ARHGEF3: variants seen among roughly 807,000 people sequenced by gnomAD.
ARHGEF3 encodes 59.8 kDA protein.
Under a neutral mutation model 63.2 loss-of-function variants are expected in ARHGEF3, and 28 were observed. The ratio of observed to expected loss-of-function variants is 0.44; its 90% CI spans 0.33 to 0.61. The LOEUF is 0.61. ARHGEF3 is among the 20% of genes least tolerant of loss of function. The pLI is 0.03. For missense variants in ARHGEF3, 533 were observed against 659.3 expected, an observed-to-expected ratio of 0.81 and a Z score of 2.10; for synonymous variants, 266 against 254.2, an observed-to-expected ratio of 1.05 and a Z score of -0.44.
intron 1 of ARHGEF3, chr3:57,076,609 T>A (rs753665927): frequency 6.6e-6 from 1 of 152,330 alleles, no homozygotes; most frequent in East Asian, 1.9e-4. Flanking sequence ...AAGCTTAGGT[T>A]AAACAGTAAC....
intron 2 of ARHGEF3, among the ~76,000 whole-genome samples, chr3:56,963,564 T>C (rs1473507766): frequency 6.6e-6 from 1 of 152,254 alleles, no homozygotes; most frequent in East Asian, 1.9e-4. Context: ...GTATATGTTT[T>C]AAATATTTTA....
chr3:56,989,198 C>G (rs1426076518), intron 2 of ARHGEF3, among the ~76,000 whole-genome samples: 3 of 152,176 alleles, frequency 2.0e-5, no homozygotes, highest in African/African-American at 7.2e-5. Flanking sequence ...TTTTTAAAAT[C>G]TGAACTGAAA....
chr3:56,860,933 AAAG>A (rs1175934494), intron 4 of ARHGEF3, among the ~76,000 whole-genome samples: 1 of 152,200 alleles, frequency 6.6e-6, no homozygotes, highest in East Asian at 1.9e-4. Flanking sequence ...ACTAAAGAAC[AAAG>A]AAGATCTGCC....
chr3:56,904,084 C>T (rs2041609456), intron 3 of ARHGEF3, among the ~76,000 whole-genome samples: 3 of 152,056 alleles, frequency 2.0e-5, no homozygotes, highest in African/African-American at 7.2e-5. Context: ...GGCCTGGGTG[C>T]AGTGTTGCAA....
intron 2 of ARHGEF3, among the ~76,000 whole-genome samples, chr3:57,032,291 A>G (rs1703765258): frequency 1.3e-5 from 2 of 152,244 alleles, no homozygotes; most frequent in Admixed American, 6.5e-5. Flanking sequence ...GCCCCTGTTC[A>G]TATGCTGGAC....
chr3:56,830,993 G>A (rs2038913453), intron 4 of ARHGEF3, among the ~76,000 whole-genome samples: 1 of 152,114 alleles, frequency 6.6e-6, no homozygotes, highest in African/African-American at 2.4e-5. Context: ...TGTGTCCTTG[G>A]TTGATTTGCT....
At chr3:56,947,962 G>T (rs1699602843) in intron 3 of ARHGEF3, among the ~76,000 whole-genome samples, 1 of 152,144 alleles carries the variant, frequency 6.6e-6, no homozygotes, top group South Asian at 2.1e-4. Flanking sequence ...CTAGAACTCA[G>T]GATTCAGAAA....
intron 1 of ARHGEF3, among the ~76,000 whole-genome samples, chr3:57,066,612 C>T (rs1469780765): frequency 1.3e-5 from 2 of 152,196 alleles, no homozygotes; most frequent in Admixed American, 1.3e-4. Context: ...ATTTTACCCA[C>T]TGTGATGATT....
chr3:56,856,083 G>A (rs2039869865), intron 4 of ARHGEF3, among the ~76,000 whole-genome samples: 1 of 152,178 alleles, frequency 6.6e-6, no homozygotes, highest in South Asian at 2.1e-4. Flanking sequence ...GAAGATGTGG[G>A]GCCAGGGGCC....
chr3:57,027,948 T>A (rs192430569), intron 2 of ARHGEF3, among the ~76,000 whole-genome samples: 5 of 152,222 alleles, frequency 3.3e-5, no homozygotes, highest in Admixed American at 3.3e-4. Flanking sequence ...TTTTCCCTCA[T>A]CATCACTGGC....
rs1312846305 is a variant in ARHGEF3, at chr3:56,755,068, C to T, written c.288G>A (p.Thr96=). The change falls in exon 3 of 10, where the codon ACG becomes ACA. Residue 96 remains threonine, a synonymous_variant. Coordinates refer to ENST00000296315, the MANE Select transcript of ARHGEF3 (RefSeq NM_019555.3). The part of the protein sequence containing the change: ...PWSRNAAPSS[T]KRRDSKLWSE... ...TCCACAGCTTGCTATCTCTCCGTTT[C>T]GTGCTCGAGGGGGCGGCATTTCTGG... 6.2e-7 allele frequency: 1 copy of T among 1,614,130 alleles called. No homozygotes were observed. The highest frequency in any genetic ancestry group is 2.2e-5 in the East Asian group (1 of 44,880).
chr3:56,730,721 GC>G (rs1410578682), intron 9 of ARHGEF3, among the ~76,000 whole-genome samples: 1 of 152,074 alleles, frequency 6.6e-6, no homozygotes, highest in Non-Finnish European at 1.5e-5. Flanking sequence ...CATTTAAAGG[GC>G]CCTGCGTGCC....
intron 3 of ARHGEF3, among the ~76,000 whole-genome samples, chr3:56,957,945 T>C (rs1700115466): frequency 6.6e-6 from 1 of 152,144 alleles, no homozygotes; most frequent in African/African-American, 2.4e-5. Context: ...TCATCACTAT[T>C]ATGCTGAGGA....
chr3:56,913,373 C>G (rs1319330112), intron 3 of ARHGEF3, among the ~76,000 whole-genome samples: 1 of 152,090 alleles, frequency 6.6e-6, no homozygotes, highest in Non-Finnish European at 1.5e-5. Context: ...GCAAAGAAGA[C>G]ATACAAATGG....
chr3:56,979,828 A>G (rs1039796306), intron 2 of ARHGEF3, among the ~76,000 whole-genome samples: 3 of 152,192 alleles, frequency 2.0e-5, no homozygotes, highest in African/African-American at 7.2e-5. Context: ...TTGTTATGAG[A>G]GTTAAAGGAC....
At chr3:56,738,279 C>T (rs894682575) in intron 7 of ARHGEF3, among the ~76,000 whole-genome samples, 1 of 151,690 alleles carries the variant, frequency 6.6e-6, no homozygotes, top group Non-Finnish European at 1.5e-5. Flanking sequence ...ACCTTGTGAT[C>T]CCCCTGCCTC....
chr3:57,007,047 T>C, intron 2 of ARHGEF3: 1 of 780,884 alleles, frequency 1.3e-6, no homozygotes, highest in Non-Finnish European at 1.7e-6. Flanking sequence ...ATGGTCACAC[T>C]GTGCTCCTCA....
At chr3:57,031,214 A>G (rs1238268049) in intron 2 of ARHGEF3, among the ~76,000 whole-genome samples, 3 of 152,264 alleles carry the variant, frequency 2.0e-5, no homozygotes, top group Admixed American at 6.5e-5. Context: ...GGTGAGACGT[A>G]GCCCCATGAG....
chr3:57,014,092 G>C (rs111599673), intron 2 of ARHGEF3, among the ~76,000 whole-genome samples: 2 of 152,156 alleles, frequency 1.3e-5, no homozygotes, highest in Non-Finnish European at 2.9e-5. Flanking sequence ...GAACCCGCCA[G>C]GAGGAACGAA....
Sources: gnomAD v4.1 joint callset for allele counts (sites outside exome capture counted in the v4.1 genomes callset) on GRCh38, gnomAD v4.1.1 for gene constraint, MANE v1.5 for transcripts, NCBI Gene and HGNC (gene_info 2026-07-23, HGNC 2026-07-21) for gene names.